Variants in TRIR observed in about 807,000 individuals in gnomAD.
TRIR encodes the protein telomerase RNA component interacting RNase, also known as telomerase RNA component-interacting RNase.
A neutral mutation model predicts 18.2 loss-of-function variants in TRIR; 5 were observed. That is an observed-to-expected ratio of 0.27 (90% CI 0.14 to 0.58). The LOEUF (loss-of-function observed/expected upper bound fraction) is 0.58. Among genes scored for constraint, TRIR ranks in the 20% least tolerant of loss-of-function variants. The probability of loss-of-function intolerance (pLI) is 0.91; values close to 1 mark genes in which losing one functional copy is unlikely to be tolerated. For missense variants in TRIR, 206 were observed against 252.8 expected (o/e 0.81, Z 1.25); for synonymous variants, 134 against 114.4 (o/e 1.17, Z -1.10).
Position 12,730,927 on chromosome 19 carries a change from G to C in TRIR, c.*34C>G, listed in dbSNP as rs555967740. On this transcript the variant is annotated 3_prime_UTR_variant, in exon 3 of 3. Coordinates refer to ENST00000242784, the MANE Select transcript of TRIR (RefSeq NM_024038.4). Reference sequence around the variant, plus strand: ...ATTAAATAGTTATGTACATCGCAGAGAGTCCCAGGCCATGGGCAGGTGGGG... The same window carrying C: ...ATTAAATAGTTATGTACATCGCAGACAGTCCCAGGCCATGGGCAGGTGGGG... 1.2e-5 allele frequency: 19 copies of C among 1,565,310 alleles called. No individual in the cohort carries two copies. The East Asian group carries it at 4.0e-4, about 33-fold the overall frequency.
At chr19:12,733,080 A>AT (rs888819154) in intron 1 of TRIR, among the ~76,000 whole-genome samples, 7 of 150,270 alleles carry the variant, frequency 4.7e-5, no homozygotes, top group Admixed American at 1.3e-4. Flanking sequence ...TAATTTTTTA[A>AT]TTTTTTTTTG....
rs1967407809 is a variant in TRIR, at chr19:12,730,641, C to T, written c.*320G>A. The T allele has an allele frequency of 7.5e-6, 3 of 401,824 alleles. No individual in the cohort carries two copies. The highest frequency in any genetic ancestry group is 1.4e-5 in the Non-Finnish European group (3 of 216,962). 24.9% of individuals were successfully genotyped at this position (401,824 alleles called of 1,614,324 possible). ...AAGAAGACAAACCAAGCACACAGCT[C>T]CGGCACTAAGTCAAGTTCTTTACTT... On this transcript the variant is annotated 3_prime_UTR_variant, in exon 3 of 3. Coordinates refer to ENST00000242784, the MANE Select transcript of TRIR (RefSeq NM_024038.4).
chr19:12,732,286 G>A (rs1599440979), intron 1 of TRIR, among the ~76,000 whole-genome samples: 3 of 152,132 alleles, frequency 2.0e-5, no homozygotes, highest in Non-Finnish European at 4.4e-5. Context: ...AAGCAACATT[G>A]CCTTCCCTGT....
intron 1 of TRIR, among the ~76,000 whole-genome samples, chr19:12,733,906 A>G (rs983489461): frequency 3.3e-5 from 5 of 152,228 alleles, no homozygotes; most frequent in African/African-American, 4.8e-5. Context: ...ATTGTCCTAG[A>G]TAAGTAATTG....
In TRIR at chr19:12,730,990, C is replaced by T; in HGVS notation, c.502G>A (p.Asp168Asn). The T allele has an allele frequency of 6.2e-7, 1 of 1,614,022 alleles. No individual in the cohort carries two copies. Among genetic ancestry groups the T allele is most frequent in the Non-Finnish European group, 8.5e-7 (1 of 1,180,012 alleles). Reference protein sequence around the residue: ...KKYKAHQCGDDDKTRPLVK With the variant: ...KKYKAHQCGDNDKTRPLVK ...TTCACCAGGGGCCGAGTTTTATCAT[C>T]GTCACCGCACTGGTGAGCTTTGTAC... Residue 168 changes from aspartate (D) to asparagine (N), a missense_variant, in exon 3 of 3, where the codon GAT becomes AAT. Transcript: ENST00000242784.
Position 12,730,949 on chromosome 19 carries a change from G to T in TRIR, c.*12C>A, listed in dbSNP as rs750388405. On this transcript the variant is annotated 3_prime_UTR_variant, in exon 3 of 3. Transcript: ENST00000242784. ...AGAGAGTCCCAGGCCATGGGCAGGT[G>T]GGGGAGGGGCGTCATTTCACCAGGG... 11 of 1,609,004 alleles carry T rather than the reference G, an allele frequency of 6.8e-6. No homozygotes were observed. Among genetic ancestry groups the T allele is most frequent in the African/African-American group, 2.7e-5 (2 of 74,804 alleles).
chr19:12,730,882 G>T lies in TRIR; in HGVS notation c.*79C>A. On this transcript the variant is annotated 3_prime_UTR_variant, in exon 3 of 3. Transcript: ENST00000242784. ...CTGCTTTTAAGTCCTCTCAGGGAAGGCTGTCGCCGCTGCCGCTGCATTAAA... is the reference window on the plus strand; with the variant it reads ...CTGCTTTTAAGTCCTCTCAGGGAAGTCTGTCGCCGCTGCCGCTGCATTAAA... 2.3e-6 allele frequency: 3 copies of T among 1,316,150 alleles called. No individual in the cohort carries two copies. Among genetic ancestry groups the T allele is most frequent in the Non-Finnish European group, 2.2e-6 (2 of 913,258 alleles). 81.5% of individuals were successfully genotyped at this position (1,316,150 alleles called of 1,614,324 possible). A position where few individuals can be genotyped will look rare whatever the true frequency, so the allele number is the denominator to read the frequency against.
Position 12,734,455 on chromosome 19 carries a change from A to C in TRIR, c.203T>G (p.Leu68Arg). 6.5e-7 allele frequency: 1 copy of C among 1,532,404 alleles called. No individual in the cohort carries two copies. Among genetic ancestry groups the C allele is most frequent in the Non-Finnish European group, 8.8e-7 (1 of 1,141,136 alleles). 94.9% of individuals were successfully genotyped at this position (1,532,404 alleles called of 1,614,324 possible). Reference protein sequence around the residue: ...LFANDGSFLELFKRKMEEEQR... With the variant: ...LFANDGSFLERFKRKMEEEQR... ...CTCCTCCTCCATCTTCCGCTTGAAC[A>C]GCTCCAGGAAGCTGCCGTCGTTGGC... is the stretch of plus-strand genomic sequence containing the variant. The change falls in exon 1 of 3, where the codon CTG becomes CGG. Residue 68 changes from leucine to arginine, a missense_variant. By Grantham distance (102) the Leu-to-Arg change is moderately radical (BLOSUM62 -2). This residue lies in a region of TRIR where 172 missense variants were observed against 165.0 expected (regional missense o/e 1.04). Transcript: ENST00000242784. This position sits in a 1 kb window ranked among gnomAD's most constrained non-coding sequence, Gnocchi z 4.1.
In TRIR at chr19:12,734,401, G is replaced by C; in HGVS notation, c.257C>G (p.Pro86Arg). 6.6e-7 allele frequency: 1 copy of C among 1,513,648 alleles called. No homozygotes were observed. The highest frequency in any genetic ancestry group is 1.2e-5 in the South Asian group (1 of 80,380). The allele number at this position is 1,513,648 out of a possible 1,614,324, so 93.8% of individuals were successfully genotyped here. ...CGACTGGTCGGGTCGCTGCGGACCCGGGGGCGGCTCCTCCTGCCGCTGCCG... is the reference window on the plus strand; with the variant it reads ...CGACTGGTCGGGTCGCTGCGGACCCCGGGGCGGCTCCTCCTGCCGCTGCCG... ...EQRQRQEEPP[P>R]GPQRPDQSAA... Residue 86 changes from proline to arginine, a missense_variant, in exon 1 of 3, where the codon CCG becomes CGG. By Grantham distance (103) the Pro-to-Arg change is moderately radical (BLOSUM62 -2). Transcript: ENST00000242784. The surrounding 1 kb of genome is among the most constrained non-coding windows in gnomAD (Gnocchi z 4.1).
At position 12,734,645 on chromosome 19, in the gene TRIR, C is replaced by T; in HGVS notation, c.13G>A (p.Gly5Arg). MAARGRRAEPQGREA... is the reference protein window; with the variant it reads MAARRRRAEPQGREA... ...CGGCCCTGAGGCTCCGCCCGTCTCC[C>T]TCGGGCAGCCATTTTGTCGCCAGGT... is the stretch of plus-strand genomic sequence containing the variant. The change falls in exon 1 of 3, where the codon GGG (glycine) becomes AGG (arginine). Residue 5 changes from glycine (G) to arginine (R), a missense_variant. By Grantham distance (125) the Gly-to-Arg change is moderately radical. This residue lies in a region of TRIR where 172 missense variants were observed against 165.0 expected (regional missense o/e 1.04). Transcript: ENST00000242784. The surrounding 1 kb of genome is among the most constrained non-coding windows in gnomAD (Gnocchi z 4.1). 6.6e-7 allele frequency: 1 copy of T among 1,507,570 alleles called. No individual in the cohort carries two copies. The highest frequency in any genetic ancestry group is 8.8e-7 in the Non-Finnish European group (1 of 1,136,094). The allele number at this position is 1,507,570 out of a possible 1,614,324, so 93.4% of individuals were successfully genotyped here.
Position 12,731,368 on chromosome 19 carries a change from G to C in TRIR, c.399C>G (p.Ala133=). ...CCTCATCCTCCGTCTTCTGCTTCTT[G>C]GCTACTATTCCCGTCTTGAGGGCTA... The part of the protein sequence containing the change: ...NKLALKTGIV[A]KKQKTEDEVL... Residue 133 remains alanine, a synonymous_variant, in exon 2 of 3, where the codon GCC becomes GCG. Transcript: ENST00000242784. This position sits in a 1 kb window ranked among gnomAD's most constrained non-coding sequence, Gnocchi z 5.1. 1 of 1,613,946 alleles carries C rather than the reference G, an allele frequency of 6.2e-7. No individual in the cohort carries two copies. The highest frequency in any genetic ancestry group is 8.5e-7 in the Non-Finnish European group (1 of 1,180,008).
chr19:12,734,331 C>G lies in TRIR; in HGVS notation c.327G>C (p.Pro109=), dbSNP rs1183664310. ...TCCTTACGAAGCTAAGTGTGGAGCC[C>G]GGACCGCCCTTCCTCTTCGGATCCC... is the stretch of plus-strand genomic sequence containing the variant. ...GPGDPKRKGG[P]GSTLSFVGKR... Residue 109 remains proline (P), a synonymous_variant, in exon 1 of 3, where the codon CCG becomes CCC. Transcript: ENST00000242784. This position sits in a 1 kb window ranked among gnomAD's most constrained non-coding sequence, Gnocchi z 4.1. 3.5e-6 allele frequency: 5 copies of G among 1,436,476 alleles called. No individual in the cohort carries two copies. Among genetic ancestry groups the G allele is most frequent in the African/African-American group, 1.5e-5 (1 of 66,544 alleles). The allele number at this position is 1,436,476 out of a possible 1,614,324, so 89.0% of individuals were successfully genotyped here.
At position 12,731,551 on chromosome 19, in the gene TRIR, G is replaced by A. The variant is rs1433959070; in HGVS notation, c.346-130C>T. ...GACGCCGCGCCCAGCTCCGCCAGCC[G>A]GCCGACCTGCGCAGCAATCAGAGAG... On this transcript the variant is annotated intron_variant, in intron 1 of 2. Coordinates refer to ENST00000242784, the MANE Select transcript of TRIR (RefSeq NM_024038.4). This position sits in a 1 kb window ranked among gnomAD's most constrained non-coding sequence, Gnocchi z 5.1. 4.2e-6 allele frequency: 4 copies of A among 961,918 alleles called. No individual in the cohort carries two copies. The highest frequency in any genetic ancestry group is 1.6e-5 in the South Asian group (1 of 61,574). 59.6% of individuals were successfully genotyped at this position (961,918 alleles called of 1,614,324 possible).
In TRIR at chr19:12,734,230, C is replaced by T. The variant is rs1967488140; in HGVS notation, c.345+83G>A. 2.3e-6 allele frequency: 3 copies of T among 1,282,340 alleles called. No homozygotes were observed. Among genetic ancestry groups the T allele is most frequent in the African/African-American group, 1.6e-5 (1 of 63,254 alleles). 79.4% of individuals were successfully genotyped at this position (1,282,340 alleles called of 1,614,324 possible). A position where few individuals can be genotyped will look rare whatever the true frequency, so the allele number is the denominator to read the frequency against. On this transcript the variant is annotated intron_variant, in intron 1 of 2. Coordinates refer to ENST00000242784, the MANE Select transcript of TRIR (RefSeq NM_024038.4). This position sits in a 1 kb window ranked among gnomAD's most constrained non-coding sequence, Gnocchi z 4.1. ...CTCATTCAGAACGGAAAGTGGACTT[C>T]GGTCCCGATCCCCCTTCACGGGCCC... is the stretch of plus-strand genomic sequence containing the variant.
chr19:12,731,462 G>C lies in TRIR; in HGVS notation c.346-41C>G, dbSNP rs549375962. On this transcript the variant is annotated intron_variant, in intron 1 of 2. Transcript: ENST00000242784. The surrounding 1 kb of genome is among the most constrained non-coding windows in gnomAD (Gnocchi z 5.1). ...GAAGACTGCAACGGTTACAGGAGCC[G>C]GGACCGCCCTTGGCGGCGCTGAGGC... 14 of 1,586,296 alleles carry C rather than the reference G, an allele frequency of 8.8e-6. No homozygotes were observed. The South Asian group carries it at 1.5e-4, about 17-fold the overall frequency.
chr19:12,731,715 G>A lies in TRIR; in HGVS notation c.346-294C>T, dbSNP rs958495293. On this transcript the variant is annotated intron_variant, in intron 1 of 2. Coordinates refer to ENST00000242784, the MANE Select transcript of TRIR (RefSeq NM_024038.4). The surrounding 1 kb of genome is among the most constrained non-coding windows in gnomAD (Gnocchi z 5.1). The stretch of plus-strand genomic sequence containing the variant: ...ACCCTCCCTAGCAGGGACCACAAGA[G>A]GTGGCAACAGCTCCCTTTATTGAGC... The A allele has an allele frequency of 3.2e-5, 14 of 439,878 alleles. No individual in the cohort carries two copies. Among genetic ancestry groups the A allele is most frequent in the Admixed American group, 2.0e-4 (5 of 24,654 alleles). The allele number at this position is 439,878 out of a possible 1,614,324, so 27.2% of individuals were successfully genotyped here. A position where few individuals can be genotyped will look rare whatever the true frequency, so the allele number is the denominator to read the frequency against.
chr19:12,734,296 C>A lies in TRIR; in HGVS notation c.345+17G>T. On this transcript the variant is annotated intron_variant, in intron 1 of 2. Transcript: ENST00000242784. The surrounding 1 kb of genome is among the most constrained non-coding windows in gnomAD (Gnocchi z 4.1). ...AGACAGGCCGTGGCGCCCGCCCCCA[C>A]CCCCACGGCTCCTTACGAAGCTAAG... is the stretch of plus-strand genomic sequence containing the variant. 3.6e-6 allele frequency: 5 copies of A among 1,388,144 alleles called. No individual in the cohort carries two copies. In the South Asian group the frequency reaches 4.8e-5, roughly 13 times the overall value. 86.0% of individuals were successfully genotyped at this position (1,388,144 alleles called of 1,614,324 possible).
At position 12,730,900 on chromosome 19, in the gene TRIR, G is replaced by C; in HGVS notation, c.*61C>G. On this transcript the variant is annotated 3_prime_UTR_variant, in exon 3 of 3. Coordinates refer to ENST00000242784, the MANE Select transcript of TRIR (RefSeq NM_024038.4). The stretch of plus-strand genomic sequence containing the variant: ...AGGGAAGGCTGTCGCCGCTGCCGCT[G>C]CATTAAATAGTTATGTACATCGCAG... 6.8e-7 allele frequency: 1 copy of C among 1,470,286 alleles called. No homozygotes were observed. Among genetic ancestry groups the C allele is most frequent in the Non-Finnish European group, 9.5e-7 (1 of 1,050,462 alleles). The allele number at this position is 1,470,286 out of a possible 1,614,324, so 91.1% of individuals were successfully genotyped here.
rs543330510 is a variant in TRIR, at chr19:12,731,887, T to C, written c.346-466A>G. 9 of 152,890 alleles carry C rather than the reference T, an allele frequency of 5.9e-5. No homozygotes were observed. The highest frequency in any genetic ancestry group is 1.7e-4 in the African/African-American group (7 of 40,268). 9.5% of individuals were successfully genotyped at this position (152,890 alleles called of 1,614,324 possible). A position where few individuals can be genotyped will look rare whatever the true frequency, so the allele number is the denominator to read the frequency against. On this transcript the variant is annotated intron_variant, in intron 1 of 2. Transcript: ENST00000242784. This position sits in a 1 kb window ranked among gnomAD's most constrained non-coding sequence, Gnocchi z 5.1. ...CCTGTAATCCCAGCACTTTGGGAGG[T>C]AGAATCGGGTAGATCACCTGAAGTC...
Sources: allele counts gnomAD v4.1 joint callset (sites outside exome capture counted in the v4.1 genomes callset), GRCh38; gene constraint gnomAD v4.1.1; regional missense constraint gnomAD v4.1.1; non-coding constraint Gnocchi (gnomAD v3.1); transcripts MANE v1.5; gene names NCBI Gene and HGNC (gene_info 2026-07-23, HGNC 2026-07-21).